PPP1R16B: variants seen among roughly 807,000 people sequenced by gnomAD.
PPP1R16B encodes protein phosphatase 1 regulatory inhibitor subunit 16B.
A neutral mutation model predicts 61.7 loss-of-function variants in PPP1R16B; 14 were observed. The observed-to-expected ratio is 0.23, with a 90% CI of 0.15 to 0.35. The LOEUF (loss-of-function observed/expected upper bound fraction) is 0.35. Ranked by LOEUF, PPP1R16B falls within the 10% of genes least tolerant of loss-of-function variation. The probability of loss-of-function intolerance (pLI) is 1.00; values close to 1 mark genes in which losing one functional copy is unlikely to be tolerated. For missense variants in PPP1R16B, 547 were observed against 752.5 expected (o/e 0.73, Z 3.19); for synonymous variants, 266 against 305.3 (o/e 0.87, Z 1.34).
At chr20:38,867,072 A>C (rs2085095620) in intron 2 of PPP1R16B, among the ~76,000 whole-genome samples, 1 of 152,182 alleles carries the variant, frequency 6.6e-6, no homozygotes, top group South Asian at 2.1e-4. Context: ...ACGCTGTAGC[A>C]TGTGTCAGTA....
chr20:38,826,449 T>C (rs992781098), intron 1 of PPP1R16B, among the ~76,000 whole-genome samples: 5 of 152,140 alleles, frequency 3.3e-5, no homozygotes, highest in Admixed American at 6.6e-5. Flanking sequence ...TACCCAAAAG[T>C]GTGTGGGCTT....
chr20:38,807,775 G>A, intron 1 of PPP1R16B, among the ~76,000 whole-genome samples: 1 of 152,176 alleles, frequency 6.6e-6, no homozygotes. Context: ...CCCTGTCCTG[G>A]AACCTTCCTG....
At chr20:38,913,474 G>A (rs1255842395) in intron 10 of PPP1R16B, among the ~76,000 whole-genome samples, 1 of 151,954 alleles carries the variant, frequency 6.6e-6, no homozygotes, top group Non-Finnish European at 1.5e-5. Flanking sequence ...TGCTGGCCAG[G>A]ATGGTCTCAA....
chr20:38,902,686 T>C lies in PPP1R16B; in HGVS notation c.590T>C (p.Ile197Thr). ...ACTGCAGGCATCACCCAAGAGAAAATCAACGAGATGCGGGTGGCTCCTGAG... is the reference window on the plus strand; with the variant it reads ...ACTGCAGGCATCACCCAAGAGAAAACCAACGAGATGCGGGTGGCTCCTGAG... The part of the protein sequence containing the change: ...MAYQGITQEK[I>T]NEMRVAPEQQ... The change falls in exon 6 of 11, where the codon ATC (isoleucine) becomes ACC (threonine). Residue 197 changes from isoleucine to threonine, a missense_variant. By Grantham distance (89) the Ile-to-Thr change is moderately conservative. Coordinates refer to ENST00000299824, the MANE Select transcript of PPP1R16B (RefSeq NM_015568.4). 1.2e-6 allele frequency: 2 copies of C among 1,614,032 alleles called. No homozygotes were observed. The highest frequency in any genetic ancestry group is 1.7e-6 in the Non-Finnish European group (2 of 1,180,000).
intron 2 of PPP1R16B, among the ~76,000 whole-genome samples, chr20:38,845,713 G>A (rs2084932237): frequency 6.6e-6 from 1 of 152,116 alleles, no homozygotes; most frequent in African/African-American, 2.4e-5. Context: ...GTGGTTGAGG[G>A]AGAGCATACT....
At chr20:38,850,203 G>T (rs2084959404) in intron 2 of PPP1R16B, among the ~76,000 whole-genome samples, 1 of 152,174 alleles carries the variant, frequency 6.6e-6, no homozygotes, top group South Asian at 2.1e-4. Flanking sequence ...AACCTCATTG[G>T]CTATGAGGTC....
chr20:38,892,201 G>T (rs1304510814), intron 3 of PPP1R16B, among the ~76,000 whole-genome samples: 1 of 152,120 alleles, frequency 6.6e-6, no homozygotes, highest in Non-Finnish European at 1.5e-5. Flanking sequence ...ATCCCTGCTT[G>T]CAATGAACTC....
At chr20:38,818,919 C>A (rs964621146) in intron 1 of PPP1R16B, among the ~76,000 whole-genome samples, 10 of 152,006 alleles carry the variant, frequency 6.6e-5, no homozygotes, top group Admixed American at 3.9e-4. Flanking sequence ...GCTGGGACTG[C>A]AGGTGGGAGA....
At chr20:38,858,248 A>C (rs201785434) in intron 2 of PPP1R16B, among the ~76,000 whole-genome samples, 1 of 152,064 alleles carries the variant, frequency 6.6e-6, no homozygotes, top group East Asian at 1.9e-4. Flanking sequence ...TGTAGTCTAT[A>C]GCAGGCACTT....
intron 2 of PPP1R16B, among the ~76,000 whole-genome samples, chr20:38,869,256 T>C (rs530266067): frequency 1.3e-5 from 2 of 152,240 alleles, no homozygotes; most frequent in African/African-American, 4.8e-5. Context: ...CCTCCTGGGT[T>C]CAAGTGATTC....
intron 3 of PPP1R16B, among the ~76,000 whole-genome samples, chr20:38,890,616 C>T (rs2145761198): frequency 6.6e-6 from 1 of 152,374 alleles, no homozygotes; most frequent in South Asian, 2.1e-4. Context: ...TTGATGTTGA[C>T]TTCTCCCCTA....
chr20:38,821,239 G>C (rs2084771826), intron 1 of PPP1R16B, among the ~76,000 whole-genome samples: 1 of 152,180 alleles, frequency 6.6e-6, no homozygotes, highest in South Asian at 2.1e-4. Flanking sequence ...TGGACTCCCT[G>C]TGATGTCCCA....
rs191769890 is a variant in PPP1R16B, at chr20:38,886,311, A to C, written c.251-3284A>C. ...CTTGGGCTGAAAATAACTGCCCAACATCAGGGTAATTACATGACTTGGATT... is the reference window on the plus strand; with the variant it reads ...CTTGGGCTGAAAATAACTGCCCAACCTCAGGGTAATTACATGACTTGGATT... On this transcript the variant is annotated intron_variant, in intron 2 of 10. Coordinates refer to ENST00000299824, the MANE Select transcript of PPP1R16B (RefSeq NM_015568.4). Among the ~76,000 whole-genome samples, 7 of 152,268 alleles carry C rather than the reference A, an allele frequency of 4.6e-5. No homozygotes were observed. In the East Asian group the frequency reaches 1.4e-3, roughly 29 times the overall value.
chr20:38,862,531 G>A (rs2085059646), intron 2 of PPP1R16B, among the ~76,000 whole-genome samples: 1 of 152,210 alleles, frequency 6.6e-6, no homozygotes, highest in South Asian at 2.1e-4. Context: ...AATATAGCTA[G>A]TAGCCAGAGG....
intron 2 of PPP1R16B, among the ~76,000 whole-genome samples, chr20:38,855,982 A>AGGAGGAGGAGGAGGAGG (rs1449393855): frequency 7.2e-5 from 3 of 41,564 alleles, no homozygotes; most frequent in Non-Finnish European, 1.2e-4. Context: ...AGAGAGAGAG[A>AGGAGGAGGAGGAGGAGG]AGGAGGAGGA....
chr20:38,831,641 C>T (rs550814409), intron 1 of PPP1R16B, among the ~76,000 whole-genome samples: 12 of 151,698 alleles, frequency 7.9e-5, no homozygotes, highest in Admixed American at 2.6e-4. Flanking sequence ...GGGGACAGCC[C>T]GACTCTACAC....
intron 2 of PPP1R16B, chr20:38,838,208 C>T (rs1297774751): frequency 6.6e-6 from 1 of 152,380 alleles, no homozygotes; most frequent in Non-Finnish European, 1.5e-5. Flanking sequence ...GGTCTGTGCA[C>T]CTCCCTGTTC....
Position 38,918,473 on chromosome 20 carries a change from G to T in PPP1R16B, c.1511G>T (p.Ser504Ile). The T allele has an allele frequency of 6.2e-7, 1 of 1,613,738 alleles. No homozygotes were observed. The highest frequency in any genetic ancestry group is 8.5e-7 in the Non-Finnish European group (1 of 1,179,754). ...SHPFLSTHLG[S>I]SMARTGESSS... Reference sequence around the variant, plus strand: ...CCCTTCCTTAGCACACACCTGGGCAGCAGCATGGCCAGGACGGGCGAGAGT... The same window carrying T: ...CCCTTCCTTAGCACACACCTGGGCATCAGCATGGCCAGGACGGGCGAGAGT... The change falls in exon 11 of 11, where the codon AGC (serine) becomes ATC (isoleucine). Residue 504 changes from serine to isoleucine, a missense_variant. Coordinates refer to ENST00000299824, the MANE Select transcript of PPP1R16B (RefSeq NM_015568.4). The surrounding 1 kb of genome is among the most constrained non-coding windows in gnomAD (Gnocchi z 5.3).
At chr20:38,881,463 G>A (rs1376300269) in intron 2 of PPP1R16B, among the ~76,000 whole-genome samples, 2 of 152,212 alleles carry the variant, frequency 1.3e-5, no homozygotes, top group Non-Finnish European at 2.9e-5. Context: ...TTGAAGAGGG[G>A]GAAATAAGTC....
Sources: allele counts gnomAD v4.1 joint callset (sites outside exome capture counted in the v4.1 genomes callset), GRCh38; gene constraint gnomAD v4.1.1; non-coding constraint Gnocchi (gnomAD v3.1); transcripts MANE v1.5; gene names NCBI Gene and HGNC (gene_info 2026-07-23, HGNC 2026-07-21).